Variants in FRMD4A observed in about 807,000 individuals in gnomAD.
FRMD4A encodes the protein FERM domain containing 4A, also known as FERM domain-containing protein 4A.
Under a neutral mutation model 129.1 loss-of-function variants are expected in FRMD4A, and 29 were observed. That is an observed-to-expected ratio of 0.22 (90% CI 0.17 to 0.31). The LOEUF is 0.31. Ranked by LOEUF, FRMD4A falls within the 10% of genes least tolerant of loss-of-function variation. The pLI, the probability that FRMD4A is intolerant of heterozygous loss-of-function variation, is 1.00. For missense variants in FRMD4A, 1,272 were observed against 1,375.8 expected, an observed-to-expected ratio of 0.92 and a Z score of 1.19; for synonymous variants, 634 against 571.6, an observed-to-expected ratio of 1.11 and a Z score of -1.56.
chr10:13,737,239 A>G (rs1427482345), intron 12 of FRMD4A, among the ~76,000 whole-genome samples: 2 of 152,114 alleles, frequency 1.3e-5, no homozygotes, highest in Admixed American at 6.5e-5. Flanking sequence ...ACAGGCATGC[A>G]CCACCATGCC....
chr10:13,790,452 G>A (rs2092973221), intron 5 of FRMD4A, among the ~76,000 whole-genome samples: 1 of 152,188 alleles, frequency 6.6e-6, no homozygotes, highest in African/African-American at 2.4e-5. Context: ...AAGGTGCAGG[G>A]AGAGAAGACA....
intron 15 of FRMD4A, 73 bp downstream of exon 15, chr10:13,693,825 C>T: frequency 2.0e-6 from 3 of 1,501,128 alleles, no homozygotes; most frequent in South Asian, 2.3e-5. Context: ...CTGCAGCTCT[C>T]CCCACCTTCC....
At chr10:13,743,466 G>T (rs542013273) in intron 9 of FRMD4A, among the ~76,000 whole-genome samples, 1 of 152,152 alleles carries the variant, frequency 6.6e-6, no homozygotes, top group Non-Finnish European at 1.5e-5. Flanking sequence ...CAGCACTAGG[G>T]AGAGAGGGTC....
chr10:14,199,573 A>G (rs1842573111), intron 2 of FRMD4A, among the ~76,000 whole-genome samples: 1 of 152,102 alleles, frequency 6.6e-6, no homozygotes, highest in Non-Finnish European at 1.5e-5. Context: ...TATTTTTAGT[A>G]GAGACAGGGT....
chr10:13,904,908 G>A (rs559142478), intron 2 of FRMD4A, among the ~76,000 whole-genome samples: 53 of 139,708 alleles, frequency 3.8e-4, no homozygotes, highest in Non-Finnish European at 6.9e-4. Flanking sequence ...CAGGAGAATC[G>A]CTTGAACCCG....
chr10:14,214,066 T>C (rs889392913), intron 2 of FRMD4A, among the ~76,000 whole-genome samples: 4 of 152,240 alleles, frequency 2.6e-5, no homozygotes, highest in African/African-American at 4.8e-5. Context: ...AAGATGTGCG[T>C]TTGCTCTTCC....
intron 2 of FRMD4A, among the ~76,000 whole-genome samples, chr10:14,020,835 T>C (rs1832712468): frequency 6.6e-6 from 1 of 151,616 alleles, no homozygotes; most frequent in African/African-American, 2.4e-5. Flanking sequence ...GGGGGAAAGG[T>C]TAGGGAGAAA....
intron 2 of FRMD4A, among the ~76,000 whole-genome samples, chr10:14,288,735 C>A (rs112586757): frequency 2.6e-5 from 4 of 152,204 alleles, no homozygotes; most frequent in African/African-American, 9.6e-5. Flanking sequence ...AGAATTTATT[C>A]TTGCATAACT....
intron 2 of FRMD4A, among the ~76,000 whole-genome samples, chr10:14,329,543 C>A (rs562029616): frequency 1.3e-5 from 2 of 152,266 alleles, no homozygotes; most frequent in South Asian, 4.1e-4. Flanking sequence ...ACAAGCTGCT[C>A]CCAACTCAGT....
rs1339123717 is a variant in FRMD4A at position 14,157,674 on chromosome 10, C to T, written c.45+172384G>A. 3.3e-5 allele frequency among the ~76,000 whole-genome samples: 5 copies of T among 152,218 alleles called. No individual in the cohort carries two copies. The East Asian group carries it at 9.6e-4, about 29-fold the overall frequency. On this transcript the variant is annotated intron_variant, in intron 2 of 24. Transcript: ENST00000357447. ...CTGGTCTTAGCATCTTGCACTCACA[C>T]ATCTGTAGGTGAATCTTAGTCTTCT... is the stretch of plus-strand genomic sequence containing the variant.
intron 13 of FRMD4A, among the ~76,000 whole-genome samples, chr10:13,702,482 T>A (rs1363316302): frequency 6.6e-6 from 1 of 152,138 alleles, no homozygotes; most frequent in South Asian, 2.1e-4. Flanking sequence ...CTTAGTGAAG[T>A]ATATTTTATA....
At chr10:14,057,893 G>A (rs542594718) in intron 2 of FRMD4A, among the ~76,000 whole-genome samples, 33 of 152,326 alleles carry the variant, frequency 2.2e-4, no homozygotes, top group African/African-American at 7.5e-4. Context: ...CTCACTGGTT[G>A]TGTCGGTTTC....
chr10:14,231,011 T>A (rs1341699578), intron 2 of FRMD4A, among the ~76,000 whole-genome samples: 1 of 152,194 alleles, frequency 6.6e-6, no homozygotes, highest in Non-Finnish European at 1.5e-5. Context: ...ATATGTACCA[T>A]GTTTCTTTAT....
intron 2 of FRMD4A, among the ~76,000 whole-genome samples, chr10:14,032,538 T>A (rs1279310419): frequency 1.3e-5 from 2 of 152,184 alleles, no homozygotes; most frequent in African/African-American, 4.8e-5. Context: ...GAACCGCAAG[T>A]AGCGCTATCC....
chr10:13,777,316 T>C (rs2092618219), intron 6 of FRMD4A, among the ~76,000 whole-genome samples: 1 of 152,156 alleles, frequency 6.6e-6, no homozygotes, highest in Non-Finnish European at 1.5e-5. Flanking sequence ...GCAGAGATGC[T>C]GAGGCTCAAA....
intron 2 of FRMD4A, among the ~76,000 whole-genome samples, chr10:14,066,786 CA>C (rs201017716): frequency 6.6e-6 from 1 of 151,124 alleles, no homozygotes; most frequent in South Asian, 2.1e-4. Flanking sequence ...CAAAACGTAT[CA>C]AAAAAAAGAA....
chr10:14,050,772 C>T (rs1834218216), intron 2 of FRMD4A, among the ~76,000 whole-genome samples: 1 of 152,154 alleles, frequency 6.6e-6, no homozygotes, highest in Admixed American at 6.5e-5. Context: ...GTGGGTGAAC[C>T]CATGGAGGTC....
chr10:13,713,200 C>T (rs534432602), intron 12 of FRMD4A, among the ~76,000 whole-genome samples: 1 of 152,324 alleles, frequency 6.6e-6, no homozygotes, highest in East Asian at 1.9e-4. Context: ...TACACAGAAT[C>T]ACAGCAGCCA....
At chr10:14,027,915 C>T (rs910456354) in intron 2 of FRMD4A, among the ~76,000 whole-genome samples, 11 of 152,146 alleles carry the variant, frequency 7.2e-5, no homozygotes, top group African/African-American at 1.7e-4. Context: ...ATCATGAATT[C>T]GGATTTTAGT....
Sources: allele counts gnomAD v4.1 joint callset (sites outside exome capture counted in the v4.1 genomes callset), GRCh38; gene constraint gnomAD v4.1.1; transcripts MANE v1.5; gene names NCBI Gene and HGNC (gene_info 2026-07-23, HGNC 2026-07-21).